The following GRIK5 variants were observed in gnomAD, a reference collection of about 807,000 sequenced individuals.
GRIK5 encodes glutamate receptor ionotropic, kainate 5.
GRIK5 carries 43 observed loss-of-function variants against 97.4 expected under a neutral mutation model. The observed-to-expected ratio is 0.44, with a 90% CI of 0.35 to 0.57. The LOEUF (loss-of-function observed/expected upper bound fraction) is 0.57, where lower values mean the gene tolerates loss of function less well. Among genes scored for constraint, GRIK5 ranks in the 20% least tolerant of loss-of-function variants. The pLI is 0.01. For synonymous variants in GRIK5, 580 were observed against 583.5 expected (o/e 0.99, Z 0.09); for missense variants, 1,015 against 1,382.0 (o/e 0.73, Z 4.21).
intron 12 of GRIK5, among the ~76,000 whole-genome samples, chr19:42,038,390 C>G (rs1395341692): frequency 6.6e-6 from 1 of 152,256 alleles, no homozygotes; most frequent in Non-Finnish European, 1.5e-5. Flanking sequence ...CACTCACCAG[C>G]TCTGGGCCAC....
At chr19:42,035,089 C>T (rs971845852) in intron 12 of GRIK5, among the ~76,000 whole-genome samples, 1 of 152,156 alleles carries the variant, frequency 6.6e-6, no homozygotes, top group African/African-American at 2.4e-5. Flanking sequence ...AGCAATTCTC[C>T]TGCCTCAGCC....
At position 42,006,504 on chromosome 19, in the gene GRIK5, GTGTGT is replaced by G. The variant is rs556937425; in HGVS notation, c.2037+136_2037+140del. Reference sequence around the variant, plus strand: ...AGCTGCGAGCCCCATGACAGCACATGTGTGTTTTCTGCTCCCCAGCCTCCAGGCTG... The same window carrying G: ...AGCTGCGAGCCCCATGACAGCACATGTTTCTGCTCCCCAGCCTCCAGGCTG... On this transcript the variant is annotated intron_variant, in intron 16 of 19. Transcript: ENST00000593562. This position sits in a 1 kb window ranked among gnomAD's most constrained non-coding sequence, Gnocchi z 5.3. 3.4e-5 allele frequency: 24 copies of G among 712,734 alleles called. No homozygotes were observed. The East Asian group carries it at 5.7e-4, about 17-fold the overall frequency. The allele number at this position is 712,734 out of a possible 1,614,324, so 44.2% of individuals were successfully genotyped here.
At chr19:42,035,670 A>G (rs940894821) in intron 12 of GRIK5, among the ~76,000 whole-genome samples, 3 of 152,204 alleles carry the variant, frequency 2.0e-5, no homozygotes, top group Non-Finnish European at 4.4e-5. Flanking sequence ...AGATCGTGCC[A>G]CTGCACGCCA....
intron 15 of GRIK5, among the ~76,000 whole-genome samples, chr19:42,016,564 C>T (rs1055611372): frequency 4.6e-5 from 7 of 152,222 alleles, no homozygotes; most frequent in African/African-American, 1.7e-4. Context: ...GCAGAGGGAA[C>T]ACAGACTGGG....
intron 3 of GRIK5, among the ~76,000 whole-genome samples, chr19:42,064,474 A>C (rs955329931): frequency 4.7e-5 from 7 of 149,340 alleles, no homozygotes; most frequent in African/African-American, 1.7e-4. Flanking sequence ...CCCGATCCCC[A>C]CCTCATCTCC....
At chr19:42,055,675 A>T (rs187905101) in intron 8 of GRIK5, among the ~76,000 whole-genome samples, 1 of 152,158 alleles carries the variant, frequency 6.6e-6, no homozygotes, top group East Asian at 1.9e-4. Flanking sequence ...AAAAATAGGT[A>T]GTTTACCTTT....
intron 15 of GRIK5, among the ~76,000 whole-genome samples, chr19:42,015,901 G>A (rs879049327): frequency 1.3e-5 from 2 of 152,146 alleles, no homozygotes; most frequent in East Asian, 1.9e-4. Context: ...TTCCCAGCAC[G>A]TAATAATGAA....
chr19:42,004,573 G>GA (rs2075463194), intron 17 of GRIK5, among the ~76,000 whole-genome samples: 1 of 152,188 alleles, frequency 6.6e-6, no homozygotes, highest in Non-Finnish European at 1.5e-5. Context: ...TCTGAATGAC[G>GA]AAAGTGATAC....
chr19:42,035,943 C>T (rs2075898797), intron 12 of GRIK5, among the ~76,000 whole-genome samples: 1 of 152,084 alleles, frequency 6.6e-6, no homozygotes, highest in African/African-American at 2.4e-5. Flanking sequence ...CTTTTTAATG[C>T]ATATATACTT....
chr19:42,016,755 T>C (rs996972898), intron 15 of GRIK5, among the ~76,000 whole-genome samples: 2 of 152,186 alleles, frequency 1.3e-5, no homozygotes, highest in Admixed American at 6.5e-5. Flanking sequence ...AGATGGCCCC[T>C]GACAAGGTGT....
intron 6 of GRIK5, among the ~76,000 whole-genome samples, chr19:42,058,846 AAG>A (rs1309563843): frequency 1.3e-5 from 2 of 151,920 alleles, no homozygotes; most frequent in Non-Finnish European, 2.9e-5. Context: ...AAAAAGAAAA[AAG>A]AAAAAAAATA....
rs1029878980 is a variant in GRIK5 at position 42,069,946 on chromosome 19, GGGAGAGGAGGAT to G, written c.-768_-757del. ...AAATGAGGTGGAGAGATAGGGAGGAGGGAGAGGAGGATGGAGAGGAGCAGGTGGAAGAGAAAG... is the reference window on the plus strand; with the variant it reads ...AAATGAGGTGGAGAGATAGGGAGGAGGGAGAGGAGCAGGTGGAAGAGAAAG... On this transcript the variant is annotated 5_prime_UTR_variant, in exon 1 of 20. Coordinates refer to ENST00000593562, the MANE Select transcript of GRIK5 (RefSeq NM_002088.5). Among the ~76,000 whole-genome samples the G allele has an allele frequency of 2.1e-4, 32 of 152,194 alleles. No individual in the cohort carries two copies. The highest frequency in any genetic ancestry group is 1.8e-4 in the Non-Finnish European group (12 of 67,978).
Position 42,011,334 on chromosome 19 carries a change from C to T in GRIK5, c.1872-4524G>A, listed in dbSNP as rs536111414. ...TTGGGAGGCCGAGGCAGGAGGATCA[C>T]GAGGTCAGGAGATCGAGACCATCCT... On this transcript the variant is annotated intron_variant, in intron 15 of 19. Transcript: ENST00000593562. Among the ~76,000 whole-genome samples the T allele has an allele frequency of 9.9e-5, 15 of 151,754 alleles. No individual in the cohort carries two copies. In the East Asian group the frequency reaches 2.8e-3, roughly 28 times the overall value.
chr19:42,061,143 G>A (rs2076253733), intron 5 of GRIK5, among the ~76,000 whole-genome samples: 1 of 152,166 alleles, frequency 6.6e-6, no homozygotes, highest in South Asian at 2.1e-4. Flanking sequence ...CACCTCCCGG[G>A]TTCACGCCAT....
intron 15 of GRIK5, among the ~76,000 whole-genome samples, chr19:42,014,096 TAA>T (rs1392820319): frequency 6.6e-6 from 1 of 150,828 alleles, no homozygotes; most frequent in Non-Finnish European, 1.5e-5. Flanking sequence ...AAATAAAATT[TAA>T]AAGAAAAATT....
intron 12 of GRIK5, among the ~76,000 whole-genome samples, chr19:42,027,097 C>T (rs991934118): frequency 1.2e-4 from 18 of 152,174 alleles, no homozygotes; most frequent in African/African-American, 4.1e-4. Context: ...TTCATTCTTT[C>T]ATTTATTTAC....
intron 5 of GRIK5, among the ~76,000 whole-genome samples, chr19:42,061,645 T>G (rs1336490610): frequency 6.6e-6 from 1 of 152,190 alleles, no homozygotes; most frequent in Non-Finnish European, 1.5e-5. Flanking sequence ...GTGTTCCTCC[T>G]TGGCAAAGGC....
intron 19 of GRIK5, among the ~76,000 whole-genome samples, chr19:42,000,948 C>T (rs781928946): frequency 3.9e-4 from 60 of 152,138 alleles, no homozygotes; most frequent in Non-Finnish European, 7.2e-4. Flanking sequence ...ATCTTGCAGG[C>T]TGGGGAGAGA....
chr19:42,057,738 G>A (rs2076206346), intron 6 of GRIK5, among the ~76,000 whole-genome samples: 1 of 152,138 alleles, frequency 6.6e-6, no homozygotes, highest in Non-Finnish European at 1.5e-5. Flanking sequence ...GTAGGACTCA[G>A]CCTAGGCATA....
Sources: gnomAD v4.1 joint callset for allele counts (sites outside exome capture counted in the v4.1 genomes callset) on GRCh38, gnomAD v4.1.1 for gene constraint, Gnocchi (gnomAD v3.1) non-coding constraint, MANE v1.5 for transcripts, NCBI Gene and HGNC (gene_info 2026-07-23, HGNC 2026-07-21) for gene names.